CLASP1: variants seen among roughly 807,000 people sequenced by gnomAD.
CLASP1 encodes the protein cytoplasmic linker associated protein 1, also known as CLIP-associating protein 1.
Under a neutral mutation model 192.3 loss-of-function variants are expected in CLASP1, and 38 were observed. That is an observed-to-expected ratio of 0.20 (90% CI 0.15 to 0.26). The LOEUF (loss-of-function observed/expected upper bound fraction) is 0.26, where lower values mean the gene tolerates loss of function less well. Among genes scored for constraint, CLASP1 ranks in the 10% least tolerant of loss-of-function variants. The pLI is 1.00. For missense variants in CLASP1, 1,433 were observed against 1,932.5 expected (o/e 0.74, Z 4.85); for synonymous variants, 691 against 712.8 (o/e 0.97, Z 0.49).
chr2:121,502,433 TGATACTGTATGAAGTGA>T (rs1336228349), intron 8 of CLASP1, among the ~76,000 whole-genome samples: 2 of 152,242 alleles, frequency 1.3e-5, no homozygotes, highest in Non-Finnish European at 2.9e-5. Flanking sequence ...AGTAATGCAG[TGATACTGTATGAAGTGA>T]GATACTGTAT....
At chr2:121,453,478 T>G (rs1052715337) in intron 14 of CLASP1, among the ~76,000 whole-genome samples, 23 of 152,216 alleles carry the variant, frequency 1.5e-4, no homozygotes, top group African/African-American at 4.8e-4. Flanking sequence ...CCGGCAGTGG[T>G]GGGGCCAGAG....
chr2:121,559,752 T>C (rs2058912321), intron 2 of CLASP1, among the ~76,000 whole-genome samples: 3 of 152,168 alleles, frequency 2.0e-5, no homozygotes, highest in African/African-American at 7.2e-5. Context: ...ATGAAAATCT[T>C]CAAACACTAG....
chr2:121,417,940 T>C (rs997728956), intron 23 of CLASP1, among the ~76,000 whole-genome samples: 4 of 152,228 alleles, frequency 2.6e-5, no homozygotes, highest in African/African-American at 7.2e-5. Flanking sequence ...TATTATAAAA[T>C]GATTTCTACG....
At chr2:121,625,177 A>C (rs1039586433) in intron 1 of CLASP1, among the ~76,000 whole-genome samples, 9 of 152,196 alleles carry the variant, frequency 5.9e-5, no homozygotes, top group Non-Finnish European at 1.0e-4. Context: ...TAATGATTTA[A>C]AAGTTTGCCT....
At chr2:121,530,876 T>A (rs74516896) in intron 2 of CLASP1, 4 of 689,982 alleles carry the variant, frequency 5.8e-6, no homozygotes, top group African/African-American at 3.5e-5. Context: ...GGACTTTCTA[T>A]TATAACCATC....
At chr2:121,513,298 G>A (rs2094192740) in intron 7 of CLASP1, among the ~76,000 whole-genome samples, 1 of 152,212 alleles carries the variant, frequency 6.6e-6, no homozygotes, top group South Asian at 2.1e-4. Flanking sequence ...GATGTGAAGG[G>A]TGTGGGTCCA....
At chr2:121,441,411 C>T (rs531094471) in intron 19 of CLASP1, among the ~76,000 whole-genome samples, 3 of 152,278 alleles carry the variant, frequency 2.0e-5, no homozygotes, top group Non-Finnish European at 1.5e-5. Flanking sequence ...CATTTTGCTA[C>T]CTACAACTAT....
chr2:121,574,581 G>A (rs1248869781), intron 2 of CLASP1, among the ~76,000 whole-genome samples: 1 of 142,622 alleles, frequency 7.0e-6, no homozygotes. Context: ...GTGGCAGTGA[G>A]CCAAGATTGT....
intron 30 of CLASP1, among the ~76,000 whole-genome samples, chr2:121,396,854 T>C (rs1026356389): frequency 6.6e-6 from 1 of 152,188 alleles, no homozygotes; most frequent in African/African-American, 2.4e-5. Flanking sequence ...CAAACTGATA[T>C]AAGGAAAACA....
chr2:121,409,588 C>G (rs1397375743), intron 24 of CLASP1, among the ~76,000 whole-genome samples: 1 of 152,174 alleles, frequency 6.6e-6, no homozygotes, highest in Non-Finnish European at 1.5e-5. Context: ...TACACACAGT[C>G]CCTTATGCAG....
rs1376475409 is a variant in CLASP1 at position 121,587,014 on chromosome 2, G to A, written c.195+18687C>T. Among the ~76,000 whole-genome samples, 6 of 151,820 alleles carry A rather than the reference G, an allele frequency of 4.0e-5. No individual in the cohort carries two copies. In the East Asian group the frequency reaches 9.7e-4, roughly 25 times the overall value. ...TCCCAACACTTTGGGAGGCCGAGGC[G>A]GGCGGATCACAAAGTCAGTAGTTCA... On this transcript the variant is annotated intron_variant, in intron 2 of 39. Coordinates refer to ENST00000263710, the Ensembl canonical transcript of CLASP1.
chr2:121,553,206 A>T (rs1171898746), intron 2 of CLASP1, among the ~76,000 whole-genome samples: 2 of 152,138 alleles, frequency 1.3e-5, no homozygotes, highest in African/African-American at 4.8e-5. Context: ...GGAGGGTGGG[A>T]GGAGGGAGAG....
intron 2 of CLASP1, among the ~76,000 whole-genome samples, chr2:121,536,393 A>AAAC (rs1282823162): frequency 4.0e-5 from 6 of 151,462 alleles, no homozygotes; most frequent in African/African-American, 1.5e-4. Context: ...AAAAAAAAAA[A>AAAC]AAAAAAAAAG....
intron 35 of CLASP1, 116 bp downstream of exon 36, chr2:121,367,472 A>G: frequency 1.5e-6 from 2 of 1,371,546 alleles, no homozygotes; most frequent in Admixed American, 4.3e-5. Flanking sequence ...CTAAGCAGAA[A>G]GAACAGACCC....
intron 2 of CLASP1, among the ~76,000 whole-genome samples, chr2:121,543,115 G>C (rs1157198479): frequency 6.6e-6 from 1 of 152,164 alleles, no homozygotes; most frequent in Non-Finnish European, 1.5e-5. Flanking sequence ...CACCACAGGA[G>C]GCTCATGGCT....
intron 2 of CLASP1, among the ~76,000 whole-genome samples, chr2:121,561,071 T>C (rs2059039277): frequency 6.6e-6 from 1 of 152,174 alleles, no homozygotes; most frequent in South Asian, 2.1e-4. Context: ...CATGCCCAGC[T>C]AATTTTTGTA....
At chr2:121,626,369 T>C (rs888545254) in intron 1 of CLASP1, among the ~76,000 whole-genome samples, 2 of 152,218 alleles carry the variant, frequency 1.3e-5, no homozygotes, top group African/African-American at 2.4e-5. Context: ...TTGGCTTTCA[T>C]TTCATCAATA....
intron 22 of CLASP1, among the ~76,000 whole-genome samples, chr2:121,419,304 A>C: frequency 6.6e-6 from 1 of 152,178 alleles, no homozygotes; most frequent in East Asian, 1.9e-4. Context: ...GAGCCTACCC[A>C]CTCCAAGTAA....
intron 14 of CLASP1, among the ~76,000 whole-genome samples, chr2:121,453,655 C>T (rs935119298): frequency 6.6e-6 from 1 of 152,194 alleles, no homozygotes; most frequent in Non-Finnish European, 1.5e-5. Context: ...TGGCTCTTTA[C>T]TGCACTTATT....
Sources: allele counts gnomAD v4.1 joint callset (sites outside exome capture counted in the v4.1 genomes callset), GRCh38; gene constraint gnomAD v4.1.1; transcripts MANE v1.5; gene names NCBI Gene and HGNC (gene_info 2026-07-23, HGNC 2026-07-21).